The following SCP2 variants were observed in gnomAD, a reference collection of about 807,000 sequenced individuals.
SCP2 encodes sterol carrier protein 2.
A neutral mutation model predicts 71.4 loss-of-function variants in SCP2; 48 were observed. The ratio of observed to expected loss-of-function variants is 0.67; its 90% confidence interval spans 0.53 to 0.86. The LOEUF is 0.86. SCP2 is among the 40% of genes least tolerant of loss of function. SCP2 has a pLI of 0.00. For missense variants in SCP2, 560 were observed against 655.6 expected (o/e 0.85, Z 1.59); for synonymous variants, 220 against 218.1 (o/e 1.01, Z -0.08).
intron 5 of SCP2, 113 bp downstream of exon 5, chr1:52,954,917 G>A (rs1049316935): frequency 1.2e-6 from 1 of 846,332 alleles, no homozygotes. Flanking sequence ...AAGAATCTTA[G>A]AGATAATTTT....
At chr1:52,997,798 A>G (rs1398375158) in intron 11 of SCP2, among the ~76,000 whole-genome samples, 1 of 152,230 alleles carries the variant, frequency 6.6e-6, no homozygotes, top group Non-Finnish European at 1.5e-5. Flanking sequence ...ATATACATCC[A>G]GGTAGCAACC....
chr1:52,952,917 T>C (rs1341558715), intron 4 of SCP2, among the ~76,000 whole-genome samples: 2 of 152,164 alleles, frequency 1.3e-5, no homozygotes, highest in African/African-American at 2.4e-5. Flanking sequence ...TATTAGGTCC[T>C]CTCTCTGTTC....
chr1:52,988,806 C>T (rs543567576), intron 11 of SCP2, among the ~76,000 whole-genome samples: 1 of 151,872 alleles, frequency 6.6e-6, no homozygotes, highest in South Asian at 2.1e-4. Flanking sequence ...CTGCCTTAGC[C>T]TCCTGAGTAG....
chr1:52,951,781 A>G (rs1465731540), intron 4 of SCP2, among the ~76,000 whole-genome samples: 2 of 151,226 alleles, frequency 1.3e-5, no homozygotes, highest in Non-Finnish European at 2.9e-5. Context: ...CCGTTGTGCC[A>G]TCTCAGCTCA....
intron 12 of SCP2, among the ~76,000 whole-genome samples, chr1:53,016,471 A>G (rs1178441504): frequency 6.6e-6 from 1 of 152,050 alleles, no homozygotes; most frequent in Non-Finnish European, 1.5e-5. Flanking sequence ...CTTTTTTGAG[A>G]CAGAGTCTTG....
In SCP2 at chr1:52,961,491, C is replaced by A; in HGVS notation, c.397-12C>A. ...TGTCAGCTGCTTATGAAATTTTGTTCCCCCCTCTTAGTTTTCAGATAGAAC... is the reference window on the plus strand; with the variant it reads ...TGTCAGCTGCTTATGAAATTTTGTTACCCCCTCTTAGTTTTCAGATAGAAC... On this transcript the variant is annotated splice_polypyrimidine_tract_variant and intron_variant, in intron 5 of 15. Coordinates refer to ENST00000371514, the MANE Select transcript of SCP2 (RefSeq NM_002979.5). 2 of 1,612,924 alleles carry A rather than the reference C, an allele frequency of 1.2e-6. No homozygotes were observed. Among genetic ancestry groups the A allele is most frequent in the South Asian group, 2.2e-5 (2 of 91,000 alleles).
chr1:52,974,759 T>C lies in SCP2; in HGVS notation c.524-10T>C. 2 of 1,475,858 alleles carry C rather than the reference T, an allele frequency of 1.4e-6. No homozygotes were observed. The highest frequency in any genetic ancestry group is 1.9e-6 in the Non-Finnish European group (2 of 1,053,990). 91.4% of individuals were successfully genotyped at this position (1,475,858 alleles called of 1,614,324 possible). ...ATTCACCCACTGGTAGATGTTTGCT[T>C]TCTTTACAGGAACAAAAATTGAACA... On this transcript the variant is annotated splice_polypyrimidine_tract_variant and intron_variant, in intron 6 of 15. Coordinates refer to ENST00000371514, the MANE Select transcript of SCP2 (RefSeq NM_002979.5).
intron 6 of SCP2, 41 bp from the exon 7 acceptor site, chr1:52,974,728 A>G (rs759806987): frequency 2.0e-6 from 2 of 1,010,788 alleles, no homozygotes; most frequent in South Asian, 2.5e-5. Flanking sequence ...TAAGCAGCGG[A>G]AAAACATTCA....
chr1:53,032,273 C>T (rs1662604417), intron 13 of SCP2, among the ~76,000 whole-genome samples: 1 of 152,186 alleles, frequency 6.6e-6, no homozygotes. Context: ...GGATTGAGTT[C>T]TGGTTGTACT....
At chr1:53,007,197 C>T (rs111557136) in intron 11 of SCP2, among the ~76,000 whole-genome samples, 20,660 of 152,064 alleles carry the variant, frequency 0.14, 2,022 homozygotes, top group East Asian at 0.32. Flanking sequence ...CTTTAATACC[C>T]CACTGTCAAC....
intron 11 of SCP2, among the ~76,000 whole-genome samples, chr1:52,989,093 A>G (rs757990791): frequency 1.5e-4 from 23 of 152,146 alleles, no homozygotes; most frequent in Non-Finnish European, 2.6e-4. Context: ...ACCTTCTCCT[A>G]TCTTTTGTGT....
chr1:52,996,462 T>A (rs989207446), intron 11 of SCP2, among the ~76,000 whole-genome samples: 1 of 152,184 alleles, frequency 6.6e-6, no homozygotes, highest in Non-Finnish European at 1.5e-5. Flanking sequence ...GGATTTTCCA[T>A]CCTAAAAGTT....
intron 10 of SCP2, among the ~76,000 whole-genome samples, chr1:52,983,602 A>C (rs1375954349): frequency 6.6e-6 from 1 of 152,186 alleles, no homozygotes; most frequent in East Asian, 1.9e-4. Context: ...CTCATGAACC[A>C]TTCTAATGAG....
chr1:53,003,524 T>C (rs1428542907), intron 11 of SCP2, among the ~76,000 whole-genome samples: 1 of 152,114 alleles, frequency 6.6e-6, no homozygotes, highest in Non-Finnish European at 1.5e-5. Context: ...CTTCTTTTTC[T>C]TTTTTTGAGA....
At chr1:52,958,482 C>T (rs1389973590) in intron 5 of SCP2, among the ~76,000 whole-genome samples, 2 of 152,066 alleles carry the variant, frequency 1.3e-5, no homozygotes, top group African/African-American at 2.4e-5. Flanking sequence ...CCACCTGCCT[C>T]GGCCTCCTAA....
At chr1:52,936,695 A>G (rs1653771147) in intron 1 of SCP2, among the ~76,000 whole-genome samples, 1 of 152,216 alleles carries the variant, frequency 6.6e-6, no homozygotes, top group Non-Finnish European at 1.5e-5. Flanking sequence ...TTTAAAATAA[A>G]TGGGCAAGAC....
At chr1:52,960,860 C>T (rs897794442) in intron 5 of SCP2, among the ~76,000 whole-genome samples, 2 of 150,926 alleles carry the variant, frequency 1.3e-5, no homozygotes, top group Admixed American at 6.6e-5. Context: ...TCAAGCAGTT[C>T]TCCCACCTCA....
At chr1:52,992,965 T>C (rs539490967) in intron 11 of SCP2, among the ~76,000 whole-genome samples, 28 of 152,338 alleles carry the variant, frequency 1.8e-4, no homozygotes, top group African/African-American at 6.0e-4. Flanking sequence ...TATAGACATA[T>C]ATTTTAAAGG....
intron 14 of SCP2, among the ~76,000 whole-genome samples, chr1:53,039,335 G>C (rs1663254745): frequency 6.6e-6 from 1 of 152,172 alleles, no homozygotes; most frequent in East Asian, 1.9e-4. Context: ...AACTTTCTGA[G>C]ACTCAGTTTT....
Sources: allele counts gnomAD v4.1 joint callset (sites outside exome capture counted in the v4.1 genomes callset), GRCh38; gene constraint gnomAD v4.1.1; transcripts MANE v1.5; gene names NCBI Gene and HGNC (gene_info 2026-07-23, HGNC 2026-07-21).